Variants in AK5 observed in about 807,000 individuals in gnomAD.
The protein encoded by AK5 is adenylate kinase isoenzyme 5.
Under a neutral mutation model 69.5 loss-of-function variants are expected in AK5, and 27 were observed. That is an observed-to-expected ratio of 0.39 (90% CI 0.29 to 0.54). AK5 has a LOEUF of 0.54. AK5 is among the 20% of genes least tolerant of loss of function. AK5 has a pLI of 0.71. For synonymous variants in AK5, 260 were observed against 244.4 expected, an observed-to-expected ratio of 1.06 and a Z score of -0.60; for missense variants, 531 against 700.4, an observed-to-expected ratio of 0.76 and a Z score of 2.73.
chr1:77,349,597 A>C (rs1662091386), intron 6 of AK5: 1 of 152,230 alleles, frequency 6.6e-6, no homozygotes, highest in African/African-American at 2.4e-5. Flanking sequence ...TTTTTTAGAA[A>C]AGAATAAATG....
At chr1:77,506,249 TTGGTTG>T (rs1477731894) in intron 10 of AK5, among the ~76,000 whole-genome samples, 6 of 151,678 alleles carry the variant, frequency 4.0e-5, no homozygotes, top group Non-Finnish European at 5.9e-5. Flanking sequence ...GGTTGGTTGG[TTGGTTG>T]TTTTTTTTCA....
At chr1:77,525,244 T>C (rs1315474540) in intron 12 of AK5, among the ~76,000 whole-genome samples, 1 of 152,202 alleles carries the variant, frequency 6.6e-6, no homozygotes, top group African/African-American at 2.4e-5. Flanking sequence ...ATATATGGTG[T>C]CAGATTATTT....
At chr1:77,445,546 T>C (rs1190648967) in intron 8 of AK5, among the ~76,000 whole-genome samples, 4 of 152,208 alleles carry the variant, frequency 2.6e-5, no homozygotes, top group Non-Finnish European at 5.9e-5. Context: ...ATCTGACATA[T>C]GGTTTGCAAA....
At chr1:77,314,470 A>G (rs1660133841) in intron 5 of AK5, 1 of 152,698 alleles carries the variant, frequency 6.5e-6, no homozygotes, top group Non-Finnish European at 1.5e-5. Flanking sequence ...AACACAATAC[A>G]TTTAAAGATA....
intron 1 of AK5, among the ~76,000 whole-genome samples, chr1:77,285,163 A>G (rs753699082): frequency 5.3e-5 from 8 of 152,242 alleles, no homozygotes; most frequent in Non-Finnish European, 8.8e-5. Flanking sequence ...AAATGGGGAT[A>G]ATAAAGTCAC....
chr1:77,318,281 C>T (rs1234561006), intron 5 of AK5, among the ~76,000 whole-genome samples: 1 of 152,028 alleles, frequency 6.6e-6, no homozygotes, highest in Non-Finnish European at 1.5e-5. Flanking sequence ...GGAGATGCTA[C>T]ACACTTGTAA....
chr1:77,536,174 C>T (rs1363882693), intron 13 of AK5, 136 bp downstream of exon 13: 1 of 991,030 alleles, frequency 1.0e-6, no homozygotes, highest in East Asian at 2.6e-5. Context: ...GCACTGGGGC[C>T]AAAAGGCCCA....
intron 13 of AK5, among the ~76,000 whole-genome samples, chr1:77,558,335 A>G (rs772713825): frequency 2.0e-5 from 3 of 152,128 alleles, no homozygotes; most frequent in African/African-American, 4.8e-5. Context: ...GAGAGTTCCT[A>G]TTGCTCCATG....
At chr1:77,367,569 A>ATATTATATATATATGT (rs1553139694) in intron 6 of AK5, among the ~76,000 whole-genome samples, 1 of 31,626 alleles carries the variant, frequency 3.2e-5, no homozygotes, top group Non-Finnish European at 6.3e-5. Flanking sequence ...ATATATATAT[A>ATATTATATATATATGT]TATATATATA....
intron 7 of AK5, among the ~76,000 whole-genome samples, chr1:77,415,990 C>T (rs528821864): frequency 6.6e-6 from 1 of 152,160 alleles, no homozygotes; most frequent in African/African-American, 2.4e-5. Context: ...TTCTTTTGCA[C>T]CAACCTGATA....
intron 8 of AK5, among the ~76,000 whole-genome samples, chr1:77,476,130 A>C (rs950241878): frequency 2.0e-5 from 3 of 152,208 alleles, no homozygotes; most frequent in African/African-American, 7.2e-5. Flanking sequence ...AGCATCTACC[A>C]CATTTTTTTC....
intron 7 of AK5, among the ~76,000 whole-genome samples, chr1:77,416,403 CAA>C (rs1404501741): frequency 2.6e-5 from 4 of 152,158 alleles, no homozygotes; most frequent in Non-Finnish European, 4.4e-5. Context: ...TATGCAACTG[CAA>C]CTCTTCATGG....
intron 6 of AK5, among the ~76,000 whole-genome samples, chr1:77,368,806 A>G (rs1315841102): frequency 1.3e-5 from 2 of 152,024 alleles, no homozygotes; most frequent in Admixed American, 6.6e-5. Context: ...TTCATTTCAG[A>G]TTTTCAGATT....
chr1:77,371,956 A>G (rs1406754962), intron 6 of AK5, among the ~76,000 whole-genome samples: 1 of 152,224 alleles, frequency 6.6e-6, no homozygotes, highest in African/African-American at 2.4e-5. Context: ...CAGTAGAAAG[A>G]CTTGCACTTC....
At chr1:77,283,479 C>G (rs1463712476) in intron 1 of AK5, 1 of 985,284 alleles carries the variant, frequency 1.0e-6, no homozygotes, top group Non-Finnish European at 1.2e-6. Context: ...AATTTTAAAG[C>G]ACCACTTGAG....
rs534230176 is a variant in AK5 at position 77,308,745 on chromosome 1, G to A, written c.699+10798G>A. 3.3e-4 allele frequency among the ~76,000 whole-genome samples: 51 copies of A among 152,256 alleles called. 1 individual carries two copies. The highest frequency in any genetic ancestry group is 1.0e-3 in the African/African-American group (42 of 41,550). ...CTGAAACTAATAAGAGCTCCATGACGTTATTATTGAAAATGGAGTTCAAGG... is the reference window on the plus strand; with the variant it reads ...CTGAAACTAATAAGAGCTCCATGACATTATTATTGAAAATGGAGTTCAAGG... On this transcript the variant is annotated intron_variant, in intron 5 of 13. Transcript: ENST00000354567.
At chr1:77,386,002 C>G (rs79375845) in intron 6 of AK5, among the ~76,000 whole-genome samples, 7 of 152,162 alleles carry the variant, frequency 4.6e-5, no homozygotes, top group African/African-American at 9.6e-5. Flanking sequence ...TTTCATGAAG[C>G]CTTTTGATAT....
chr1:77,497,617 A>T (rs776941854), intron 10 of AK5, among the ~76,000 whole-genome samples: 1 of 152,198 alleles, frequency 6.6e-6, no homozygotes, highest in Non-Finnish European at 1.5e-5. Flanking sequence ...TGTTGTTGTC[A>T]GCCTTTCTCA....
chr1:77,319,860 T>C (rs534639614), intron 5 of AK5, among the ~76,000 whole-genome samples: 1 of 152,344 alleles, frequency 6.6e-6, no homozygotes, highest in African/African-American at 2.4e-5. Context: ...TGAAGAATGA[T>C]TATGTGTACA....
Sources: gnomAD v4.1 joint callset for allele counts (sites outside exome capture counted in the v4.1 genomes callset) on GRCh38, gnomAD v4.1.1 for gene constraint, MANE v1.5 for transcripts, NCBI Gene and HGNC (gene_info 2026-07-23, HGNC 2026-07-21) for gene names.